The following ALPK1 variants were observed in gnomAD, a reference collection of about 807,000 sequenced individuals.
ALPK1 encodes the protein alpha-protein kinase 1.
A neutral mutation model predicts 120.6 loss-of-function variants in ALPK1; 110 were observed. The observed-to-expected ratio is 0.91, with a 90% CI of 0.78 to 1.07. ALPK1 has a LOEUF of 1.07. Among genes scored for constraint, ALPK1 ranks in the 50% least tolerant of loss-of-function variants. ALPK1 has a pLI of 0.00. For missense variants in ALPK1, 1,498 were observed against 1,483.9 expected (o/e 1.01, Z -0.16); for synonymous variants, 582 against 560.3 (o/e 1.04, Z -0.55).
At chr4:112,425,447 T>G in intron 6 of ALPK1, 1 of 353,732 alleles carries the variant, frequency 2.8e-6, no homozygotes, top group East Asian at 5.5e-5. Context: ...TAAAGTAGAG[T>G]GGACAGAGAG....
chr4:112,363,036 T>C (rs535025080), intron 2 of ALPK1, among the ~76,000 whole-genome samples: 1 of 152,286 alleles, frequency 6.6e-6, no homozygotes, highest in African/African-American at 2.4e-5. Context: ...AAACAAATGC[T>C]GAGAGAATTT....
intron 2 of ALPK1, chr4:112,343,314 G>A (rs1252245358): frequency 6.6e-6 from 1 of 152,060 alleles, no homozygotes; most frequent in Non-Finnish European, 1.5e-5. Context: ...TTAATTTTTG[G>A]TGAAATCAGT....
chr4:112,409,593 G>C (rs1468694332), intron 4 of ALPK1, among the ~76,000 whole-genome samples: 2 of 151,918 alleles, frequency 1.3e-5, no homozygotes, highest in African/African-American at 4.8e-5. Flanking sequence ...CATGTAGGGC[G>C]GCTTACTAGA....
At chr4:112,300,961 A>G (rs926021027) in intron 1 of ALPK1, among the ~76,000 whole-genome samples, 7 of 152,142 alleles carry the variant, frequency 4.6e-5, no homozygotes, top group South Asian at 2.1e-4. Context: ...TGCATTCTCC[A>G]TCAGTGCATA....
intron 2 of ALPK1, among the ~76,000 whole-genome samples, chr4:112,339,689 C>G (rs962511357): frequency 6.6e-6 from 1 of 152,182 alleles, no homozygotes; most frequent in Non-Finnish European, 1.5e-5. Context: ...ACTGCATCAT[C>G]TATTGGCAGC....
chr4:112,432,469 C>T lies in ALPK1; in HGVS notation c.2922C>T (p.Thr974=). 6.2e-7 allele frequency: 1 copy of T among 1,614,148 alleles called. No individual in the cohort carries two copies. The highest frequency in any genetic ancestry group is 8.5e-7 in the Non-Finnish European group (1 of 1,180,038). The change falls in exon 11 of 16, where the codon ACC becomes ACT. Residue 974 remains threonine, a synonymous_variant. Transcript: ENST00000650871. Reference sequence around the variant, plus strand: ...GGAAAGAGATCCTTGAGGCTCGCACCTTGCAACCTGATGACTTTGAAAAGC... The same window carrying T: ...GGAAAGAGATCCTTGAGGCTCGCACTTTGCAACCTGATGACTTTGAAAAGC... The part of the protein sequence containing the change: ...KMRKEILEAR[T]LQPDDFEKLL...
At chr4:112,385,233 G>C (rs1732101652) in intron 4 of ALPK1, among the ~76,000 whole-genome samples, 1 of 152,168 alleles carries the variant, frequency 6.6e-6, no homozygotes, top group African/African-American at 2.4e-5. Flanking sequence ...CGCTGCACTG[G>C]GGGTTTAATG....
Position 112,441,028 on chromosome 4 carries a change from T to G in ALPK1, c.3650T>G (p.Phe1217Cys). 1 of 1,614,022 alleles carries G rather than the reference T, an allele frequency of 6.2e-7. No individual in the cohort carries two copies. Among genetic ancestry groups the G allele is most frequent in the South Asian group, 1.1e-5 (1 of 91,078 alleles). The change falls in exon 15 of 16, where the codon TTC (phenylalanine) becomes TGC (cysteine). Residue 1217 changes from phenylalanine to cysteine, a missense_variant. Coordinates refer to ENST00000650871, the MANE Select transcript of ALPK1 (RefSeq NM_025144.4). ...TNFGKRGIFY[F>C]FNNQHVECNE... ...TTTGGAAAGAGAGGAATTTTTTACT[T>G]CTTTAATAACCAGCATGTGGAATGT...
intron 1 of ALPK1, among the ~76,000 whole-genome samples, chr4:112,304,543 G>A (rs1341415127): frequency 1.3e-5 from 2 of 152,100 alleles, no homozygotes; most frequent in Admixed American, 1.3e-4. Context: ...CTGCATAAAT[G>A]TCTTCTTTTG....
At chr4:112,375,108 C>T (rs1362475239) in intron 2 of ALPK1, among the ~76,000 whole-genome samples, 1 of 152,134 alleles carries the variant, frequency 6.6e-6, no homozygotes, top group Non-Finnish European at 1.5e-5. Flanking sequence ...GTATCTTCTT[C>T]CACTACAAGG....
intron 2 of ALPK1, chr4:112,356,318 C>A: frequency 1.1e-6 from 1 of 920,158 alleles, no homozygotes; most frequent in South Asian, 1.3e-5. Flanking sequence ...AGAACACCTC[C>A]AAGACACCAT....
At chr4:112,337,842 C>A (rs1729686620) in intron 2 of ALPK1, among the ~76,000 whole-genome samples, 1 of 152,146 alleles carries the variant, frequency 6.6e-6, no homozygotes, top group South Asian at 2.1e-4. Flanking sequence ...TGAAGCATCT[C>A]TTAAGCCTAC....
At chr4:112,388,497 G>A (rs772908039) in intron 4 of ALPK1, among the ~76,000 whole-genome samples, 11 of 152,054 alleles carry the variant, frequency 7.2e-5, no homozygotes, top group African/African-American at 1.2e-4. Flanking sequence ...TCCAGGTGCC[G>A]GTTTTTATAT....
At chr4:112,353,380 G>A (rs1730450493) in intron 2 of ALPK1, among the ~76,000 whole-genome samples, 1 of 152,044 alleles carries the variant, frequency 6.6e-6, no homozygotes, top group Admixed American at 6.6e-5. Flanking sequence ...CTTATACATA[G>A]CCCCTAGACA....
chr4:112,347,122 A>ATTT (rs1369103020), intron 2 of ALPK1, among the ~76,000 whole-genome samples: 1 of 152,242 alleles, frequency 6.6e-6, no homozygotes, highest in Non-Finnish European at 1.5e-5. Flanking sequence ...AAATTTGAGA[A>ATTT]TCAAGCCTAA....
At chr4:112,313,790 A>T (rs1478847900) in intron 1 of ALPK1, among the ~76,000 whole-genome samples, 1 of 152,166 alleles carries the variant, frequency 6.6e-6, no homozygotes, top group Non-Finnish European at 1.5e-5. Context: ...AGTGACTTTG[A>T]CAAAATTTGT....
At chr4:112,402,780 C>T (rs1045522585) in intron 4 of ALPK1, among the ~76,000 whole-genome samples, 14 of 152,072 alleles carry the variant, frequency 9.2e-5, no homozygotes, top group African/African-American at 2.4e-4. Context: ...AAGCCAGCTC[C>T]GAGGAAAAAT....
intron 2 of ALPK1, chr4:112,357,646 C>G: frequency 9.3e-6 from 15 of 1,608,310 alleles, no homozygotes; most frequent in Non-Finnish European, 1.2e-5. Context: ...CGACAAGCAC[C>G]AGATCTGGGT....
rs746084101 is a variant in ALPK1, at chr4:112,441,002, T to G, written c.3624T>G (p.Asn1208Lys). ...HSVDQKVFTT[N>K]FGKRGIFYFF... ...TTGATCAGAAAGTTTTCACTACCAA[T>G]TTTGGAAAGAGAGGAATTTTTTACT... Residue 1208 changes from asparagine (N) to lysine (K), a missense_variant, in exon 15 of 16, where the codon AAT (asparagine) becomes AAG (lysine). Asn to Lys is a moderately conservative substitution (Grantham distance 94). Transcript: ENST00000650871. 28 of 1,613,882 alleles carry G rather than the reference T, an allele frequency of 1.7e-5. No homozygotes were observed. The highest frequency in any genetic ancestry group is 2.2e-5 in the Non-Finnish European group (26 of 1,179,922).
Sources: allele counts gnomAD v4.1 joint callset (sites outside exome capture counted in the v4.1 genomes callset), GRCh38; gene constraint gnomAD v4.1.1; transcripts MANE v1.5; gene names NCBI Gene and HGNC (gene_info 2026-07-23, HGNC 2026-07-21).